ZC3H7B: variants seen among roughly 807,000 people sequenced by gnomAD.
The protein encoded by ZC3H7B is zinc finger CCCH domain-containing protein 7B.
Under a neutral mutation model 116.0 loss-of-function variants are expected in ZC3H7B, and 35 were observed. The ratio of observed to expected loss-of-function variants is 0.30; its 90% confidence interval spans 0.23 to 0.40. The LOEUF is 0.40. ZC3H7B is among the 10% of genes least tolerant of loss of function. ZC3H7B has a pLI of 1.00. For missense variants in ZC3H7B, 1,011 were observed against 1,321.5 expected (o/e 0.77, Z 3.64); for synonymous variants, 502 against 545.6 (o/e 0.92, Z 1.11).
rs761783968 is a variant in ZC3H7B at position 41,339,953 on chromosome 22, C to A, written c.954C>A (p.Pro318=). The A allele has an allele frequency of 1.9e-6, 3 of 1,612,810 alleles. No homozygotes were observed. The South Asian group carries it at 3.3e-5, about 18-fold the overall frequency. Residue 318 remains proline (P), a synonymous_variant, in exon 10 of 23, where the codon CCC becomes CCA. Transcript: ENST00000352645. ...TCCCTGTCTCCAGCCCACTGCCCCC[C>A]GCCTCCTTCGGCTTGGTCATGGACC... The part of the protein sequence containing the change: ...GSIPVSSPLP[P]ASFGLVMDPS...
chr22:41,339,478 T>A (rs1170583649), intron 9 of ZC3H7B, among the ~76,000 whole-genome samples: 1 of 151,614 alleles, frequency 6.6e-6, no homozygotes, highest in African/African-American at 2.4e-5. Flanking sequence ...ATACAAAAAT[T>A]AGCCGGGCAT....
Position 41,349,111 on chromosome 22 carries a change from G to A in ZC3H7B, c.1767-9G>A, listed in dbSNP as rs549338608. On this transcript the variant is annotated splice_polypyrimidine_tract_variant and intron_variant, in intron 15 of 22. Transcript: ENST00000352645. The surrounding 1 kb of genome is among the most constrained non-coding windows in gnomAD (Gnocchi z 4.9). ...TGCATCGTGCCCCTCCTGCCTGCCC[G>A]CCCGCCAGGTGCCTGGTGCACATCG... is the stretch of plus-strand genomic sequence containing the variant. 1.2e-4 allele frequency: 200 copies of A among 1,613,014 alleles called. 3 individuals are homozygous for A. The highest frequency in any genetic ancestry group is 8.3e-4 in the South Asian group (76 of 91,042).
chr22:41,318,761 G>A (rs2036215433), intron 1 of ZC3H7B, among the ~76,000 whole-genome samples: 1 of 151,998 alleles, frequency 6.6e-6, no homozygotes, highest in African/African-American at 2.4e-5. Flanking sequence ...TCTACATGTG[G>A]TCTTCCTGCT....
chr22:41,325,881 A>G lies in ZC3H7B; in HGVS notation c.248A>G (p.Lys83Arg). Residue 83 changes from lysine to arginine, a missense_variant, in exon 4 of 23, where the codon AAG becomes AGG. Physicochemically the swap from Lys to Arg is conservative, Grantham distance 26. Transcript: ENST00000352645. ...QVALPRELLC[K>R]LHVNRAACYF... Reference sequence around the variant, plus strand: ...GCCCTGCCCCGGGAGCTGCTGTGCAAGCTGCATGTCAATAGGGCCGCCTGC... The same window carrying G: ...GCCCTGCCCCGGGAGCTGCTGTGCAGGCTGCATGTCAATAGGGCCGCCTGC... 1 of 1,611,104 alleles carries G rather than the reference A, an allele frequency of 6.2e-7. No individual in the cohort carries two copies. The highest frequency in any genetic ancestry group is 8.5e-7 in the Non-Finnish European group (1 of 1,179,358).
Position 41,346,315 on chromosome 22 carries a change from C to A in ZC3H7B, c.1665+107C>A. 8.0e-7 allele frequency: 1 copy of A among 1,247,578 alleles called. No homozygotes were observed. Among genetic ancestry groups the A allele is most frequent in the Non-Finnish European group, 1.1e-6 (1 of 897,662 alleles). 77.3% of individuals were successfully genotyped at this position (1,247,578 alleles called of 1,614,324 possible). A position where few individuals can be genotyped will look rare whatever the true frequency, so the allele number is the denominator to read the frequency against. On this transcript the variant is annotated intron_variant, in intron 14 of 22. Coordinates refer to ENST00000352645, the MANE Select transcript of ZC3H7B (RefSeq NM_017590.6). This position sits in a 1 kb window ranked among gnomAD's most constrained non-coding sequence, Gnocchi z 5.3. ...GGAAGTCAGCCCTGGAACCCGTGGG[C>A]TGTGGAGGCCTGGTCTTAGAACCAG...
Position 41,343,189 on chromosome 22 carries a change from G to A in ZC3H7B, c.1298-226G>A, listed in dbSNP as rs552449951. Among the ~76,000 whole-genome samples, 4 of 152,290 alleles carry A rather than the reference G, an allele frequency of 2.6e-5. No homozygotes were observed. The South Asian group carries it at 8.3e-4, about 32-fold the overall frequency. On this transcript the variant is annotated intron_variant, in intron 12 of 22. Coordinates refer to ENST00000352645, the MANE Select transcript of ZC3H7B (RefSeq NM_017590.6). ...CTCTGTCTCAAAAAAAAGGAGGGGG[G>A]ATGGGTGCCAAGAATGGGCTCCTTC...
At chr22:41,353,402 G>A (rs1015047367) in intron 17 of ZC3H7B, among the ~76,000 whole-genome samples, 13 of 152,232 alleles carry the variant, frequency 8.5e-5, no homozygotes, top group Non-Finnish European at 1.5e-5. Context: ...CAGAACCCTG[G>A]CCCTCGTATC....
At chr22:41,325,144 A>G (rs2036301590) in intron 2 of ZC3H7B, among the ~76,000 whole-genome samples, 1 of 151,792 alleles carries the variant, frequency 6.6e-6, no homozygotes, top group Non-Finnish European at 1.5e-5. Context: ...TCAGCAGAGG[A>G]TGGCTGTTTT....
intron 1 of ZC3H7B, among the ~76,000 whole-genome samples, chr22:41,316,531 G>C (rs1379655071): frequency 6.6e-6 from 1 of 151,126 alleles, no homozygotes; most frequent in Non-Finnish European, 1.5e-5. Context: ...CCTGACCTCA[G>C]GTGATCCACG....
In ZC3H7B at chr22:41,330,051, A is replaced by G. The variant is rs1229210488; in HGVS notation, c.473A>G (p.Glu158Gly). 1 of 1,613,892 alleles carries G rather than the reference A, an allele frequency of 6.2e-7. No individual in the cohort carries two copies. Among genetic ancestry groups the G allele is most frequent in the Non-Finnish European group, 8.5e-7 (1 of 1,180,016 alleles). The change falls in exon 6 of 23, where the codon GAG becomes GGG. Residue 158 changes from glutamate to glycine, a missense_variant. Glu to Gly is a moderately conservative substitution (Grantham distance 98). Around this residue, in one of 5 missense-constraint regions of ZC3H7B, gnomAD observed 322 missense variants for 443.9 expected, o/e 0.73. Transcript: ENST00000352645. ...HDESVTQLGQ[E>G]LAQKLGLRVR... is the part of the protein sequence containing the mutation. ...GAAAGCGTGACTCAGCTTGGTCAGG[A>G]GCTGGCCCAGAAACTGGGGCTGCGA...
At position 41,340,067 on chromosome 22, in the gene ZC3H7B, G is replaced by A. The variant is rs756630483; in HGVS notation, c.1068G>A (p.Glu356=). The change falls in exon 10 of 23, where the codon GAG becomes GAA. Residue 356 remains glutamate, a synonymous_variant. Transcript: ENST00000352645. ...CCCTGGACCTGCTGCCGTACTCGGA[G>A]ACCCGGCTGGATGCACTCGACAGCT... ...LDPLDLLPYS[E]TRLDALDSFG... is the part of the protein sequence containing the mutation. 1.9e-6 allele frequency: 3 copies of A among 1,612,026 alleles called. No individual in the cohort carries two copies. The highest frequency in any genetic ancestry group is 2.2e-5 in the South Asian group (2 of 91,050).
At position 41,339,094 on chromosome 22, in the gene ZC3H7B, T is replaced by C. The variant is rs1278172948; in HGVS notation, c.719T>C (p.Leu240Pro). 1 of 1,613,022 alleles carries C rather than the reference T, an allele frequency of 6.2e-7. No individual in the cohort carries two copies. Among genetic ancestry groups the C allele is most frequent in the Non-Finnish European group, 8.5e-7 (1 of 1,179,620 alleles). The change falls in exon 9 of 23, where the codon CTG becomes CCG. Residue 240 changes from leucine to proline, a missense_variant. Leu to Pro is a moderately conservative substitution (Grantham distance 98). This residue lies in a region of ZC3H7B where 322 missense variants were observed against 443.9 expected (regional missense o/e 0.73). Coordinates refer to ENST00000352645, the MANE Select transcript of ZC3H7B (RefSeq NM_017590.6). ...CACGTTCTGGACCTGCTGGCCCCCC[T>C]GGACAGCAGCAGGACCCTCCCCAGC... ...FPHVLDLLAPLDSSRTLPSTD... is the reference protein window; with the variant it reads ...FPHVLDLLAPPDSSRTLPSTD...
chr22:41,346,207 AG>A lies in ZC3H7B; in HGVS notation c.1665+1del. 1 of 1,609,196 alleles carries A rather than the reference AG, an allele frequency of 6.2e-7. No homozygotes were observed. Among genetic ancestry groups the A allele is most frequent in the Non-Finnish European group, 8.5e-7 (1 of 1,179,810 alleles). ...EHQGIFTFLC[E>X]ICFDSKPRII... ...CAGGGCATCTTCACCTTCCTCTGCG[AG>A]GTACTGCCCACCCACCCACTGCCAC... On this transcript the variant is annotated frameshift_variant and splice_region_variant, in exon 14 of 23. Transcript: ENST00000352645. LOFTEE classifies it high-confidence loss of function. The surrounding 1 kb of genome is among the most constrained non-coding windows in gnomAD (Gnocchi z 5.3).
intron 15 of ZC3H7B, among the ~76,000 whole-genome samples, 171 bp downstream of exon 15, chr22:41,348,338 AT>A (rs1462700740): frequency 6.6e-6 from 1 of 152,204 alleles, no homozygotes; most frequent in East Asian, 1.9e-4. Context: ...TGAGAATCAC[AT>A]TTGTCGAACA....
At chr22:41,315,921 T>A (rs1410728575) in intron 1 of ZC3H7B, among the ~76,000 whole-genome samples, 1 of 152,152 alleles carries the variant, frequency 6.6e-6, no homozygotes, top group East Asian at 1.9e-4. Context: ...GTCTATAACA[T>A]TCTACCCTTC....
At chr22:41,317,933 T>G (rs947071725) in intron 1 of ZC3H7B, among the ~76,000 whole-genome samples, 1 of 152,228 alleles carries the variant, frequency 6.6e-6, no homozygotes, top group Admixed American at 6.5e-5. Flanking sequence ...CCAGGCTGAC[T>G]GCATGGCTTT....
At chr22:41,331,423 C>G (rs772900406) in intron 6 of ZC3H7B, among the ~76,000 whole-genome samples, 5 of 148,892 alleles carry the variant, frequency 3.4e-5, no homozygotes, top group African/African-American at 5.0e-5. Flanking sequence ...GGGGTGGTAG[C>G]GAGCGCCTGT....
intron 1 of ZC3H7B, among the ~76,000 whole-genome samples, chr22:41,307,767 G>A (rs1038094278): frequency 1.2e-4 from 18 of 152,036 alleles, no homozygotes; most frequent in Admixed American, 4.6e-4. Flanking sequence ...TCTTGTAGAT[G>A]AGGAGCCTGA....
At chr22:41,312,744 C>T (rs1321704667) in intron 1 of ZC3H7B, among the ~76,000 whole-genome samples, 2 of 151,496 alleles carry the variant, frequency 1.3e-5, no homozygotes, top group Non-Finnish European at 2.9e-5. Flanking sequence ...CCTGTCTCTA[C>T]AAAAAATACA....
Sources: allele counts gnomAD v4.1 joint callset (sites outside exome capture counted in the v4.1 genomes callset), GRCh38; gene constraint gnomAD v4.1.1; regional missense constraint gnomAD v4.1.1; non-coding constraint Gnocchi (gnomAD v3.1); transcripts MANE v1.5; gene names NCBI Gene and HGNC (gene_info 2026-07-23, HGNC 2026-07-21).